BICC1: variants seen among roughly 807,000 people sequenced by gnomAD.
BICC1 encodes protein bicaudal C homolog 1.
BICC1 carries 43 observed loss-of-function variants against 111.0 expected under a neutral mutation model. That is an observed-to-expected ratio of 0.39 (90% CI 0.30 to 0.50). The LOEUF is 0.50. BICC1 is among the 20% of genes least tolerant of loss of function. The pLI is 0.88. For missense variants in BICC1, 1,091 were observed against 1,203.2 expected, an observed-to-expected ratio of 0.91 and a Z score of 1.38; for synonymous variants, 467 against 434.4, an observed-to-expected ratio of 1.07 and a Z score of -0.93.
intron 15 of BICC1, 109 bp from the exon 16 acceptor site, chr10:58,806,475 C>A: frequency 1.1e-6 from 1 of 945,320 alleles, no homozygotes; most frequent in Non-Finnish European, 1.7e-6. Context: ...TGGTGTATGT[C>A]TCAGGCAGAT....
chr10:58,586,541 G>A (rs960652811), intron 1 of BICC1, among the ~76,000 whole-genome samples: 1 of 151,442 alleles, frequency 6.6e-6, no homozygotes, highest in African/African-American at 2.4e-5. Context: ...GGGGGCGGGG[G>A]GGCGCGGAGG....
intron 1 of BICC1, among the ~76,000 whole-genome samples, chr10:58,565,354 T>C (rs1417182783): frequency 6.6e-6 from 1 of 152,230 alleles, no homozygotes; most frequent in Non-Finnish European, 1.5e-5. Flanking sequence ...GCAGGAGCTT[T>C]TGGAATGTTG....
At chr10:58,675,658 A>G (rs543597590) in intron 2 of BICC1, among the ~76,000 whole-genome samples, 1 of 152,328 alleles carries the variant, frequency 6.6e-6, no homozygotes, top group African/African-American at 2.4e-5. Flanking sequence ...ACTTTGAATT[A>G]TAAGAGGAAC....
At chr10:58,773,212 T>C (rs1842665138) in intron 3 of BICC1, among the ~76,000 whole-genome samples, 1 of 152,188 alleles carries the variant, frequency 6.6e-6, no homozygotes, top group African/African-American at 2.4e-5. Context: ...GAATATTATT[T>C]TTAACCTATC....
chr10:58,775,805 A>C (rs768591), intron 3 of BICC1, among the ~76,000 whole-genome samples: 218 of 152,282 alleles, frequency 1.4e-3, no homozygotes, highest in African/African-American at 5.1e-3. Context: ...TGCAAGTGAT[A>C]ATTTTCTTTA....
chr10:58,829,122 A>C lies in BICC1; in HGVS notation c.*231A>C. On this transcript the variant is annotated 3_prime_UTR_variant, in exon 21 of 21. Coordinates refer to ENST00000373886, the MANE Select transcript of BICC1 (RefSeq NM_001080512.3). ...TACTTTTTTAAAATGGCAGTTGGAC[A>C]GAATTTGCAATATAAGGATAGGGCT... 1 of 393,886 alleles carries C rather than the reference A, an allele frequency of 2.5e-6. No homozygotes were observed. Among genetic ancestry groups the C allele is most frequent in the Non-Finnish European group, 4.5e-6 (1 of 223,426 alleles). The allele number at this position is 393,886 out of a possible 1,614,324, so 24.4% of individuals were successfully genotyped here.
intron 12 of BICC1, among the ~76,000 whole-genome samples, chr10:58,799,756 C>T (rs12248006): frequency 0.025 from 3,864 of 151,850 alleles, 161 homozygotes; most frequent in African/African-American, 0.088. Context: ...TCTGTAGCCT[C>T]GTAGTATAGT....
intron 1 of BICC1, among the ~76,000 whole-genome samples, chr10:58,556,615 C>T (rs2131934408): frequency 6.6e-6 from 1 of 152,022 alleles, no homozygotes. Context: ...TCAGATTGCT[C>T]ATGAGTTTGT....
chr10:58,665,417 C>A (rs540057754), intron 2 of BICC1, among the ~76,000 whole-genome samples: 2 of 152,144 alleles, frequency 1.3e-5, no homozygotes, highest in African/African-American at 4.8e-5. Flanking sequence ...CCTCTCATAT[C>A]TTTGGTGGTT....
intron 15 of BICC1, among the ~76,000 whole-genome samples, chr10:58,805,704 A>AGGT (rs1321276694): frequency 6.6e-6 from 1 of 152,208 alleles, no homozygotes; most frequent in Non-Finnish European, 1.5e-5. Context: ...CAGATTATAT[A>AGGT]GGTACCTTAT....
At chr10:58,538,185 C>T (rs1171129161) in intron 1 of BICC1, among the ~76,000 whole-genome samples, 1 of 151,716 alleles carries the variant, frequency 6.6e-6, no homozygotes, top group Non-Finnish European at 1.5e-5. Flanking sequence ...GCAAAAAGAA[C>T]AAATCTGAAG....
In BICC1 at chr10:58,722,325, C is replaced by G. The variant is rs552259877; in HGVS notation, c.307+20182C>G. On this transcript the variant is annotated intron_variant, in intron 3 of 20. Transcript: ENST00000373886. ...CTTAGCCCTGTGATCTATTTTGAACCTTATTCTAGCGGAGAAGGAATAGTG... is the reference window on the plus strand; with the variant it reads ...CTTAGCCCTGTGATCTATTTTGAACGTTATTCTAGCGGAGAAGGAATAGTG... Among the ~76,000 whole-genome samples the G allele has an allele frequency of 2.6e-5, 4 of 152,270 alleles. No homozygotes were observed. In the South Asian group the frequency reaches 8.3e-4, roughly 32 times the overall value.
intron 1 of BICC1, among the ~76,000 whole-genome samples, chr10:58,592,875 CAAAAAAAAAAAAAAA>C (rs969508229): frequency 2.1e-5 from 1 of 46,650 alleles, no homozygotes; most frequent in African/African-American, 8.4e-5. Context: ...GACTCCGTCT[CAAAAAAAAAAAAAAA>C]AAAAAAAAAA....
At chr10:58,764,521 C>T (rs1435576851) in intron 3 of BICC1, among the ~76,000 whole-genome samples, 3 of 151,868 alleles carry the variant, frequency 2.0e-5, no homozygotes, top group African/African-American at 7.3e-5. Context: ...AGGTGATACT[C>T]ATGTATGTGC....
chr10:58,549,199 C>T (rs1027698121), intron 1 of BICC1, among the ~76,000 whole-genome samples: 3 of 151,690 alleles, frequency 2.0e-5, no homozygotes, highest in African/African-American at 4.8e-5. Context: ...GACAACAGTT[C>T]GTTTATACAC....
chr10:58,744,453 T>G (rs1841768954), intron 3 of BICC1, among the ~76,000 whole-genome samples: 1 of 152,136 alleles, frequency 6.6e-6, no homozygotes, highest in South Asian at 2.1e-4. Flanking sequence ...ATAGCTTTCA[T>G]GCATGCATTT....
intron 3 of BICC1, among the ~76,000 whole-genome samples, chr10:58,757,094 C>T (rs1365089874): frequency 2.6e-5 from 4 of 152,244 alleles, no homozygotes; most frequent in African/African-American, 9.6e-5. Context: ...ATTTATAATA[C>T]GGGATGCTGA....
intron 1 of BICC1, among the ~76,000 whole-genome samples, chr10:58,609,577 G>GT (rs1845346355): frequency 6.6e-6 from 1 of 152,168 alleles, no homozygotes; most frequent in Non-Finnish European, 1.5e-5. Context: ...ATATATAAAA[G>GT]TAACATCATT....
intron 3 of BICC1, among the ~76,000 whole-genome samples, chr10:58,712,671 T>C (rs974005280): frequency 6.6e-6 from 1 of 152,106 alleles, no homozygotes; most frequent in African/African-American, 2.4e-5. Flanking sequence ...TTGGAGACAG[T>C]AAAAAGATCA....
Sources: gnomAD v4.1 joint callset for allele counts (sites outside exome capture counted in the v4.1 genomes callset) on GRCh38, gnomAD v4.1.1 for gene constraint, MANE v1.5 for transcripts, NCBI Gene and HGNC (gene_info 2026-07-23, HGNC 2026-07-21) for gene names.